The following FRMPD1 variants were observed in gnomAD, a reference collection of about 807,000 sequenced individuals.
The protein encoded by FRMPD1 is FERM and PDZ domain containing 1.
FRMPD1 carries 76 observed loss-of-function variants against 117.8 expected under a neutral mutation model. That is an observed-to-expected ratio of 0.65 (90% confidence interval 0.54 to 0.78). FRMPD1 has a LOEUF of 0.78. Among genes scored for constraint, FRMPD1 ranks in the 30% least tolerant of loss-of-function variants. FRMPD1 has a pLI of 0.00. For synonymous variants in FRMPD1, 783 were observed against 770.4 expected, an observed-to-expected ratio of 1.02 and a Z score of -0.27; for missense variants, 1,786 against 1,964.5, an observed-to-expected ratio of 0.91 and a Z score of 1.72.
chr9:37,665,328 A>G (rs1156428304), intron 1 of FRMPD1, among the ~76,000 whole-genome samples: 2 of 152,212 alleles, frequency 1.3e-5, no homozygotes, highest in African/African-American at 2.4e-5. Context: ...TATTACTTTT[A>G]TAAGAGGGAG....
At chr9:37,742,231 C>T (rs1201928730) in intron 15 of FRMPD1, among the ~76,000 whole-genome samples, 4 of 152,222 alleles carry the variant, frequency 2.6e-5, no homozygotes, top group Non-Finnish European at 5.9e-5. Flanking sequence ...CTTACTGCTC[C>T]CCAAAGTACC....
At chr9:37,676,367 T>C (rs1340727388) in intron 1 of FRMPD1, among the ~76,000 whole-genome samples, 2 of 152,158 alleles carry the variant, frequency 1.3e-5, no homozygotes, top group Admixed American at 6.5e-5. Context: ...TGATCATCTC[T>C]ATGTACTTTT....
the FRMPD1 span, among the ~76,000 whole-genome samples, chr9:37,645,573 G>T: frequency 2.0e-5 from 3 of 152,146 alleles, no homozygotes; most frequent in South Asian, 4.1e-4. Flanking sequence ...GTCAAGCAAG[G>T]TCTGGAGGGT....
At chr9:37,678,387 A>G (rs1178931497) in intron 1 of FRMPD1, among the ~76,000 whole-genome samples, 1 of 150,434 alleles carries the variant, frequency 6.6e-6, no homozygotes, top group Admixed American at 6.7e-5. Context: ...CAGCCTCCCA[A>G]GTAGCTGGGA....
At chr9:37,721,390 C>T (rs1823392635) in intron 6 of FRMPD1, among the ~76,000 whole-genome samples, 1 of 152,148 alleles carries the variant, frequency 6.6e-6, no homozygotes, top group South Asian at 2.1e-4. Context: ...TAAGAAGGAT[C>T]TGAGATAGTA....
At chr9:37,637,316 G>A in the FRMPD1 span, 2 of 1,129,704 alleles carry the variant, frequency 1.8e-6, no homozygotes, top group East Asian at 2.4e-5. Flanking sequence ...AGCCCGCTCA[G>A]TCGCTCCCAG....
chr9:37,701,040 A>G (rs993103158), intron 2 of FRMPD1, among the ~76,000 whole-genome samples: 4 of 152,214 alleles, frequency 2.6e-5, no homozygotes, highest in Non-Finnish European at 4.4e-5. Context: ...TTCCAAACAA[A>G]AGCTAGAACA....
upstream of FRMPD1, among the ~76,000 whole-genome samples, chr9:37,648,198 T>C (rs1165930366): frequency 6.6e-6 from 1 of 152,224 alleles, no homozygotes; most frequent in Non-Finnish European, 1.5e-5. Context: ...TTATGGAACT[T>C]TTCCAAAATT....
At chr9:37,650,656 G>C (rs1000118737), upstream of FRMPD1, among the ~76,000 whole-genome samples, 4 of 152,166 alleles carry the variant, frequency 2.6e-5, no homozygotes, top group Non-Finnish European at 5.9e-5. Context: ...ACCTTGGGGA[G>C]TCCCTTTCCT....
intron 15 of FRMPD1, among the ~76,000 whole-genome samples, chr9:37,741,450 G>GACACACACACACACACACAC (rs56971939): frequency 1.5e-4 from 20 of 135,738 alleles, no homozygotes; most frequent in African/African-American, 5.3e-4. Flanking sequence ...ATCCTGGCAG[G>GACACACACACACACACACAC]ACACACACAC....
chr9:37,709,094 C>T (rs967909597), intron 4 of FRMPD1, among the ~76,000 whole-genome samples: 1 of 152,148 alleles, frequency 6.6e-6, no homozygotes, highest in South Asian at 2.1e-4. Context: ...ATATGGTTAG[C>T]GCTGGGAATT....
chr9:37,637,983 T>A, the FRMPD1 span, among the ~76,000 whole-genome samples: 4 of 107,496 alleles, frequency 3.7e-5, 1 homozygote, highest in African/African-American at 1.3e-4. Context: ...TTTCTTTCTT[T>A]CTTTCTTTCT....
At chr9:37,625,444 C>A in the FRMPD1 span, among the ~76,000 whole-genome samples, 2 of 152,228 alleles carry the variant, frequency 1.3e-5, no homozygotes, top group South Asian at 4.2e-4. Flanking sequence ...CTGAGGAAAG[C>A]CTTCCGTATT....
chr9:37,632,780 G>A, the FRMPD1 span, among the ~76,000 whole-genome samples: 12 of 151,718 alleles, frequency 7.9e-5, no homozygotes, highest in Admixed American at 1.3e-4. Flanking sequence ...TTGTGAGTGG[G>A]GTCAGCTGCC....
intron 5 of FRMPD1, among the ~76,000 whole-genome samples, chr9:37,716,261 C>T (rs1422000847): frequency 2.0e-5 from 3 of 152,354 alleles, no homozygotes; most frequent in Admixed American, 6.5e-5. Context: ...TTCCAAGCCA[C>T]GTCCCTTCAG....
chr9:37,726,567 G>A (rs1016721944), intron 7 of FRMPD1, among the ~76,000 whole-genome samples: 9 of 152,072 alleles, frequency 5.9e-5, no homozygotes, highest in African/African-American at 1.9e-4. Context: ...GCATGGTGGT[G>A]CAAGCCTGTA....
intron 1 of FRMPD1, among the ~76,000 whole-genome samples, chr9:37,680,192 A>G (rs1233876700): frequency 6.6e-6 from 1 of 152,112 alleles, no homozygotes; most frequent in Admixed American, 6.6e-5. Context: ...ATCTGTACTG[A>G]GCTAGATAAG....
intron 1 of FRMPD1, among the ~76,000 whole-genome samples, chr9:37,653,935 C>T (rs1049780464): frequency 2.0e-5 from 3 of 151,890 alleles, no homozygotes; most frequent in African/African-American, 4.8e-5. Flanking sequence ...CACTCCAGCC[C>T]GGTCAAAAGA....
the FRMPD1 span, among the ~76,000 whole-genome samples, chr9:37,631,809 G>A: frequency 6.6e-6 from 1 of 152,110 alleles, no homozygotes. Flanking sequence ...TTGCTATGTT[G>A]CCCAGGCTGG....
Sources: gnomAD v4.1 joint callset for allele counts (sites outside exome capture counted in the v4.1 genomes callset) on GRCh38, gnomAD v4.1.1 for gene constraint, MANE v1.5 for transcripts, NCBI Gene and HGNC (gene_info 2026-07-23, HGNC 2026-07-21) for gene names.